MTHFD1L: variants seen among roughly 807,000 people sequenced by gnomAD.
MTHFD1L encodes methylenetetrahydrofolate dehydrogenase (NADP+ dependent) 1 like.
In MTHFD1L, 81 loss-of-function variants were observed where a neutral mutation model predicts 119.5. That is an observed-to-expected ratio of 0.68 (90% confidence interval 0.57 to 0.82). MTHFD1L has a LOEUF of 0.82. Among genes scored for constraint, MTHFD1L ranks in the 40% least tolerant of loss-of-function variants. MTHFD1L has a pLI of 0.00. For missense variants in MTHFD1L, 1,125 were observed against 1,253.4 expected, an observed-to-expected ratio of 0.90 and a Z score of 1.55; for synonymous variants, 430 against 475.2, an observed-to-expected ratio of 0.90 and a Z score of 1.24.
intron 24 of MTHFD1L, among the ~76,000 whole-genome samples, chr6:151,021,112 G>A (rs1271424744): frequency 6.6e-6 from 1 of 152,160 alleles, no homozygotes; most frequent in African/African-American, 2.4e-5. Context: ...TCCTACTGTG[G>A]ACACAATTTG....
chr6:151,099,582 G>A (rs1008022342), intron 27 of MTHFD1L: 1 of 1,608,686 alleles, frequency 6.2e-7, no homozygotes, highest in East Asian at 2.2e-5. Flanking sequence ...GAACCAAGAA[G>A]TTCATCCGGC....
chr6:150,866,927 C>T (rs1583263875), intron 1 of MTHFD1L, among the ~76,000 whole-genome samples: 1 of 152,204 alleles, frequency 6.6e-6, no homozygotes, highest in Non-Finnish European at 1.5e-5. Flanking sequence ...CCGCCTCCCT[C>T]GGAACTGGGA....
intron 20 of MTHFD1L, among the ~76,000 whole-genome samples, chr6:151,003,592 C>G (rs1309280692): frequency 6.6e-6 from 1 of 152,232 alleles, no homozygotes; most frequent in Non-Finnish European, 1.5e-5. Flanking sequence ...ATGAATTAAT[C>G]TTTCCCATCT....
At chr6:150,888,327 A>G (rs951943299) in intron 7 of MTHFD1L, among the ~76,000 whole-genome samples, 2 of 152,236 alleles carry the variant, frequency 1.3e-5, no homozygotes, top group African/African-American at 2.4e-5. Context: ...AGTTTCAGCT[A>G]TGAATATAAA....
At chr6:151,101,181 T>C (rs1336462651) in intron 27 of MTHFD1L, among the ~76,000 whole-genome samples, 1 of 152,090 alleles carries the variant, frequency 6.6e-6, no homozygotes. Flanking sequence ...AAAAATTTTT[T>C]TAAATCCTAA....
At chr6:150,935,728 G>A (rs1470539135) in intron 11 of MTHFD1L, among the ~76,000 whole-genome samples, 1 of 152,160 alleles carries the variant, frequency 6.6e-6, no homozygotes, top group Non-Finnish European at 1.5e-5. Flanking sequence ...CCTTGTGGAA[G>A]ATGAGTAAAT....
intron 11 of MTHFD1L, among the ~76,000 whole-genome samples, chr6:150,934,610 G>C (rs1791728058): frequency 6.6e-6 from 1 of 152,184 alleles, no homozygotes. Flanking sequence ...GAATTGTAGG[G>C]TATGATGACG....
Position 151,039,619 on chromosome 6 carries a change from T to A in MTHFD1L, c.2847+2502T>A, listed in dbSNP as rs2128546519. On this transcript the variant is annotated intron_variant, in intron 26 of 27. Transcript: ENST00000367321. The surrounding 1 kb of genome is among the most constrained non-coding windows in gnomAD (Gnocchi z 4.4). ...GCTGAAGAGCTTGCTTTATATTCGTTAGAATGGCCTCAGTCAGCCGGGTGC... is the reference window on the plus strand; with the variant it reads ...GCTGAAGAGCTTGCTTTATATTCGTAAGAATGGCCTCAGTCAGCCGGGTGC... 6.6e-6 allele frequency among the ~76,000 whole-genome samples: 1 copy of A among 152,154 alleles called. No individual in the cohort carries two copies. Among genetic ancestry groups the A allele is most frequent in the African/African-American group, 2.4e-5 (1 of 41,540 alleles).
chr6:151,043,102 A>G (rs916492242), intron 26 of MTHFD1L, among the ~76,000 whole-genome samples: 2 of 152,040 alleles, frequency 1.3e-5, no homozygotes, highest in Admixed American at 6.6e-5. Context: ...ATTCAGTATG[A>G]TTTGTCTAGC....
At chr6:150,947,822 CA>C (rs1391597236) in intron 15 of MTHFD1L, among the ~76,000 whole-genome samples, 1 of 152,146 alleles carries the variant, frequency 6.6e-6, no homozygotes, top group African/African-American at 2.4e-5. Context: ...GCAGCAGGCA[CA>C]AGTGGTAGTT....
At chr6:151,005,316 G>A (rs1254592101) in intron 20 of MTHFD1L, among the ~76,000 whole-genome samples, 6 of 152,086 alleles carry the variant, frequency 3.9e-5, no homozygotes, top group African/African-American at 1.5e-4. Context: ...CATAATTACT[G>A]ATTACACATC....
chr6:151,018,318 G>A, intron 24 of MTHFD1L, among the ~76,000 whole-genome samples: 1 of 152,174 alleles, frequency 6.6e-6, no homozygotes, highest in East Asian at 1.9e-4. Context: ...TGAAGCAAGA[G>A]CTTAGCAGCG....
chr6:151,031,007 C>T (rs1472656236), intron 24 of MTHFD1L, among the ~76,000 whole-genome samples: 1 of 152,138 alleles, frequency 6.6e-6, no homozygotes. Context: ...ATGGTGAGAC[C>T]TCATCTCTAC....
At position 150,901,016 on chromosome 6, in the gene MTHFD1L, A is replaced by G. The variant is rs1017376279; in HGVS notation, c.781-4634A>G. On this transcript the variant is annotated intron_variant, in intron 7 of 27. Coordinates refer to ENST00000367321, the MANE Select transcript of MTHFD1L (RefSeq NM_015440.5). Reference sequence around the variant, plus strand: ...GACGACAGAGTGAGACTCGTCTCAAAAAAAAAAAAGAAAAGAAAAGAAAAA... The same window carrying G: ...GACGACAGAGTGAGACTCGTCTCAAGAAAAAAAAAGAAAAGAAAAGAAAAA... Among the ~76,000 whole-genome samples, 486 of 150,824 alleles carry G rather than the reference A, an allele frequency of 3.2e-3. 4 individuals carry two copies. The highest frequency in any genetic ancestry group is 0.011 in the African/African-American group (472 of 41,200).
intron 1 of MTHFD1L, among the ~76,000 whole-genome samples, chr6:150,870,772 A>G (rs1045331158): frequency 4.6e-5 from 7 of 151,630 alleles, no homozygotes; most frequent in Non-Finnish European, 1.0e-4. Flanking sequence ...TTAGCCAGGC[A>G]TGGTGGTGTG....
chr6:150,999,309 A>T (rs929449912), intron 20 of MTHFD1L, among the ~76,000 whole-genome samples: 1 of 152,152 alleles, frequency 6.6e-6, no homozygotes, highest in East Asian at 1.9e-4. Flanking sequence ...ATTTTGGGCT[A>T]AATCATGTTA....
At chr6:151,054,389 A>G (rs1314635688) in intron 26 of MTHFD1L, among the ~76,000 whole-genome samples, 1 of 152,118 alleles carries the variant, frequency 6.6e-6, no homozygotes, top group Non-Finnish European at 1.5e-5. Context: ...AGCATTGAAA[A>G]AACACGCGTC....
intron 13 of MTHFD1L, among the ~76,000 whole-genome samples, chr6:150,938,975 A>C (rs536440888): frequency 2.4e-4 from 37 of 152,346 alleles, no homozygotes; most frequent in African/African-American, 8.9e-4. Flanking sequence ...GAATATTCAT[A>C]TACATTGCTG....
chr6:150,875,992 T>G (rs1780376525), intron 1 of MTHFD1L, 98 bp from the exon 2 acceptor site: 1 of 961,418 alleles, frequency 1.0e-6, no homozygotes, highest in East Asian at 2.6e-5. Context: ...TCTAGTTATT[T>G]TCACTTGGAG....
Sources: gnomAD v4.1 joint callset for allele counts (sites outside exome capture counted in the v4.1 genomes callset) on GRCh38, gnomAD v4.1.1 for gene constraint, Gnocchi (gnomAD v3.1) non-coding constraint, MANE v1.5 for transcripts, NCBI Gene and HGNC (gene_info 2026-07-23, HGNC 2026-07-21) for gene names.